Variants in TTC39C observed in about 807,000 individuals in gnomAD.
TTC39C encodes the protein tetratricopeptide repeat protein 39C.
A neutral mutation model predicts 76.3 loss-of-function variants in TTC39C; 33 were observed. The ratio of observed to expected loss-of-function variants is 0.43; its 90% confidence interval spans 0.33 to 0.58. The LOEUF (loss-of-function observed/expected upper bound fraction) is 0.58, where lower values mean the gene tolerates loss of function less well. TTC39C is among the 20% of genes least tolerant of loss of function. TTC39C has a pLI of 0.04. For synonymous variants in TTC39C, 254 were observed against 260.6 expected, an observed-to-expected ratio of 0.97 and a Z score of 0.24; for missense variants, 595 against 701.4, an observed-to-expected ratio of 0.85 and a Z score of 1.71.
chr18:24,097,040 G>A (rs73967674), intron 6 of TTC39C, among the ~76,000 whole-genome samples: 10,689 of 152,250 alleles, frequency 0.07, 824 homozygotes, highest in East Asian at 0.23. Flanking sequence ...AATGCCTAAT[G>A]ATTCCCAAGG....
chr18:24,013,269 T>C (rs2083407946), upstream of TTC39C, among the ~76,000 whole-genome samples: 1 of 152,234 alleles, frequency 6.6e-6, no homozygotes, highest in Non-Finnish European at 1.5e-5. Context: ...TGTTCCAGTT[T>C]GTGGTTCCAG....
chr18:24,014,660 G>T (rs1319761933), upstream of TTC39C: 4 of 579,320 alleles, frequency 6.9e-6, no homozygotes, highest in Non-Finnish European at 9.4e-6. Flanking sequence ...GGCGGCGGCC[G>T]GACGCCCACC....
At chr18:24,120,144 G>A (rs567238320) in intron 8 of TTC39C, among the ~76,000 whole-genome samples, 1 of 152,300 alleles carries the variant, frequency 6.6e-6, no homozygotes, top group East Asian at 1.9e-4. Context: ...GAGGTCAAGA[G>A]ATCAAGACCA....
Position 24,026,557 on chromosome 18 carries a change from G to T in TTC39C, c.167+11519G>T, listed in dbSNP as rs138712301. Among the ~76,000 whole-genome samples the T allele has an allele frequency of 2.0e-3, 298 of 152,272 alleles. 2 individuals carry two copies. The highest frequency in any genetic ancestry group is 3.9e-3 in the Admixed American group (60 of 15,296). On this transcript the variant is annotated intron_variant, in intron 1 of 13. Transcript: ENST00000317571. The stretch of plus-strand genomic sequence containing the variant: ...ACACAGATAGGCAGAGCTTTCCCTG[G>T]TCTCACCCTCAACCATGACATCAGT...
chr18:24,071,618 C>T, intron 4 of TTC39C, among the ~76,000 whole-genome samples: 1 of 152,088 alleles, frequency 6.6e-6, no homozygotes, highest in Non-Finnish European at 1.5e-5. Context: ...GACTTACTTT[C>T]AGAACATAAT....
chr18:24,026,038 G>A (rs1469541712), intron 1 of TTC39C, among the ~76,000 whole-genome samples: 1 of 152,186 alleles, frequency 6.6e-6, no homozygotes, highest in Non-Finnish European at 1.5e-5. Flanking sequence ...CACACACATT[G>A]CTTCTAGAGC....
intron 1 of TTC39C, among the ~76,000 whole-genome samples, chr18:24,045,889 G>GAAAAAAAAAAAAAAAAA (rs1193600114): frequency 1.2e-4 from 7 of 56,348 alleles, no homozygotes; most frequent in African/African-American, 5.2e-4. Flanking sequence ...TTCCTTCTGT[G>GAAAAAAAAAAAAAAAAA]AAAATATATA....
chr18:24,125,218 A>G (rs544933275), intron 9 of TTC39C, among the ~76,000 whole-genome samples: 6 of 152,308 alleles, frequency 3.9e-5, no homozygotes, highest in African/African-American at 1.4e-4. Context: ...TAGTAGGTTC[A>G]GTTGAATAAT....
chr18:24,071,376 C>T (rs1339398209), intron 4 of TTC39C, among the ~76,000 whole-genome samples: 2 of 152,160 alleles, frequency 1.3e-5, no homozygotes, highest in African/African-American at 4.8e-5. Flanking sequence ...TGAGAATTAT[C>T]AGATAATAGT....
intron 1 of TTC39C, among the ~76,000 whole-genome samples, chr18:24,000,826 A>G (rs1349359624): frequency 2.0e-5 from 3 of 152,114 alleles, no homozygotes; most frequent in Admixed American, 1.3e-4. Flanking sequence ...GGGCCCCCCA[A>G]ATTGTGTGGG....
intron 1 of TTC39C, chr18:24,016,536 T>C: frequency 2.5e-6 from 1 of 395,534 alleles, no homozygotes; most frequent in East Asian, 3.6e-5. Flanking sequence ...CTTCTTGCTT[T>C]GAAGTCTCCT....
At chr18:24,127,299 A>C (rs16940508) in intron 10 of TTC39C, among the ~76,000 whole-genome samples, 1,739 of 152,344 alleles carry the variant, frequency 0.011, 30 homozygotes, top group African/African-American at 0.04. Context: ...TCCAGAAAAC[A>C]GCAGTAGTGG....
intron 8 of TTC39C, chr18:24,120,850 T>G (rs1277328206): frequency 6.7e-6 from 1 of 149,358 alleles, no homozygotes; most frequent in African/African-American, 2.5e-5. Context: ...TCATCCATGT[T>G]GTAACATGTG....
At chr18:24,122,977 C>G (rs1312523019) in intron 8 of TTC39C, among the ~76,000 whole-genome samples, 1 of 152,172 alleles carries the variant, frequency 6.6e-6, no homozygotes, top group African/African-American at 2.4e-5. Flanking sequence ...CATGTGTGAT[C>G]TTTTCAATTG....
At chr18:24,108,782 T>A (rs948131310) in intron 6 of TTC39C, among the ~76,000 whole-genome samples, 33 of 152,320 alleles carry the variant, frequency 2.2e-4, no homozygotes, top group African/African-American at 7.9e-4. Flanking sequence ...TGAGTTTGTT[T>A]GGATATTAGG....
In TTC39C at chr18:24,134,970, C is replaced by T. The variant is rs34452859; in HGVS notation, c.*2396C>T. The T allele has an allele frequency of 0.48, 72,806 of 151,982 alleles. 20,537 individuals carry two copies. Among genetic ancestry groups the T allele is most frequent in the Non-Finnish European group, 0.64 (43,701 of 67,956 alleles). The allele number at this position is 151,982 out of a possible 1,614,324, so 9.4% of individuals were successfully genotyped here. A position where few individuals can be genotyped will look rare whatever the true frequency, so the allele number is the denominator to read the frequency against. ...CATCCTGTAGGTTTTCTTTACTAGT[C>T]AAAGTGTAGGTCTTTTTAAAATTTT... is the stretch of plus-strand genomic sequence containing the variant. On this transcript the variant is annotated 3_prime_UTR_variant, in exon 14 of 14. Transcript: ENST00000317571.
intron 1 of TTC39C, among the ~76,000 whole-genome samples, chr18:24,016,375 C>T (rs1158429765): frequency 6.6e-6 from 1 of 152,050 alleles, no homozygotes; most frequent in African/African-American, 2.4e-5. Context: ...TTAAGAAGCC[C>T]TCAGGAAAAA....
chr18:24,036,080 A>G (rs1164599639), intron 1 of TTC39C, among the ~76,000 whole-genome samples: 2 of 151,500 alleles, frequency 1.3e-5, no homozygotes, highest in Non-Finnish European at 2.9e-5. Context: ...ATTCTTTTGC[A>G]TTGGTCTATA....
intron 6 of TTC39C, among the ~76,000 whole-genome samples, chr18:24,091,570 T>C (rs1203171270): frequency 6.6e-6 from 1 of 152,176 alleles, no homozygotes; most frequent in Admixed American, 6.5e-5. Context: ...GGGTTAGGCC[T>C]TGGTTTCCTA....
Sources: allele counts gnomAD v4.1 joint callset (sites outside exome capture counted in the v4.1 genomes callset), GRCh38; gene constraint gnomAD v4.1.1; transcripts MANE v1.5; gene names NCBI Gene and HGNC (gene_info 2026-07-23, HGNC 2026-07-21).